Variants in EZH1 observed in about 807,000 individuals in gnomAD.
EZH1 encodes the protein enhancer of zeste 1 polycomb repressive complex 2 subunit.
A neutral mutation model predicts 100.5 loss-of-function variants in EZH1; 33 were observed. The ratio of observed to expected loss-of-function variants is 0.33; its 90% CI spans 0.25 to 0.44. EZH1 has a LOEUF of 0.44. Among genes scored for constraint, EZH1 ranks in the 20% least tolerant of loss-of-function variants. The pLI, the probability that EZH1 is intolerant of heterozygous loss-of-function variation, is 1.00. For missense variants in EZH1, 475 were observed against 928.4 expected, an observed-to-expected ratio of 0.51 and a Z score of 6.35; for synonymous variants, 272 against 313.8, an observed-to-expected ratio of 0.87 and a Z score of 1.41.
chr17:42,712,140 A>G, intron 12 of EZH1, 149 bp downstream of exon 12: 1 of 803,912 alleles, frequency 1.2e-6, no homozygotes, highest in East Asian at 2.6e-5. Flanking sequence ...CATGTTTGGG[A>G]AACTCACAGA....
chr17:42,704,305 G>A (rs770033641), intron 18 of EZH1, among the ~76,000 whole-genome samples: 5 of 152,274 alleles, frequency 3.3e-5, no homozygotes, highest in Non-Finnish European at 7.4e-5. Context: ...TTGGGAGGCC[G>A]AGGCGGGTGG....
chr17:42,708,628 C>G (rs1422663722), intron 14 of EZH1, among the ~76,000 whole-genome samples: 1 of 152,192 alleles, frequency 6.6e-6, no homozygotes, highest in Non-Finnish European at 1.5e-5. Flanking sequence ...GCACTCCAGC[C>G]TGGGTGACAG....
intron 10 of EZH1, among the ~76,000 whole-genome samples, chr17:42,714,855 T>G (rs1362310076): frequency 7.1e-6 from 1 of 140,988 alleles, no homozygotes; most frequent in Non-Finnish European, 1.5e-5. Flanking sequence ...TTTATATATA[T>G]TTACATATAA....
chr17:42,714,822 TATCA>T (rs1313695914), intron 10 of EZH1, among the ~76,000 whole-genome samples: 1 of 147,266 alleles, frequency 6.8e-6, no homozygotes, highest in Non-Finnish European at 1.5e-5. Context: ...AAGTATACAG[TATCA>T]ATTATACTAT....
chr17:42,717,593 A>G (rs1018545366), intron 10 of EZH1, among the ~76,000 whole-genome samples: 2 of 152,200 alleles, frequency 1.3e-5, no homozygotes, highest in African/African-American at 4.8e-5. Flanking sequence ...ACAAGACATC[A>G]GCATCATCAC....
chr17:42,716,509 A>G (rs1176234845), intron 10 of EZH1, among the ~76,000 whole-genome samples: 1 of 152,170 alleles, frequency 6.6e-6, no homozygotes, highest in Admixed American at 6.6e-5. Flanking sequence ...TAAAAGAAAA[A>G]TTGTGCATAC....
intron 1 of EZH1, among the ~76,000 whole-genome samples, chr17:42,743,027 G>A (rs1406060076): frequency 6.6e-6 from 1 of 151,652 alleles, no homozygotes; most frequent in South Asian, 2.1e-4. Flanking sequence ...CCACCACCAC[G>A]CCCAGCTAAT....
At chr17:42,708,757 A>C (rs1814099423) in intron 14 of EZH1, 119 bp downstream of exon 14, 4 of 1,070,822 alleles carry the variant, frequency 3.7e-6, no homozygotes, top group Admixed American at 1.7e-5. Context: ...GCTGCAGAGA[A>C]TTCTGCAATC....
intron 1 of EZH1, among the ~76,000 whole-genome samples, chr17:42,741,723 C>T (rs532048668): frequency 6.6e-6 from 1 of 152,116 alleles, no homozygotes; most frequent in East Asian, 1.9e-4. Context: ...GGGTCTTGCT[C>T]TGTTGCCCAG....
At chr17:42,720,731 C>T (rs1010980195) in intron 6 of EZH1, among the ~76,000 whole-genome samples, 6 of 152,122 alleles carry the variant, frequency 3.9e-5, no homozygotes, top group African/African-American at 1.4e-4. Context: ...GCGATCTTGG[C>T]TCACCGCAAC....
chr17:42,730,492 T>TG (rs1266316231), intron 2 of EZH1, among the ~76,000 whole-genome samples: 1 of 119,048 alleles, frequency 8.4e-6, no homozygotes, highest in East Asian at 2.3e-4. Context: ...GTATTCTTTT[T>TG]TTTTTTTTTT....
chr17:42,732,043 C>G (rs2053961020), intron 1 of EZH1: 1 of 151,038 alleles, frequency 6.6e-6, no homozygotes, highest in Non-Finnish European at 1.5e-5. Context: ...CACTTAAGCC[C>G]AGGAGATTGA....
At chr17:42,741,806 A>G (rs2054181788) in intron 1 of EZH1, among the ~76,000 whole-genome samples, 1 of 151,606 alleles carries the variant, frequency 6.6e-6, no homozygotes, top group Non-Finnish European at 1.5e-5. Context: ...CTCCCTACTC[A>G]GCCTCCTGAG....
At chr17:42,725,218 TA>T (rs1401801422) in intron 4 of EZH1, among the ~76,000 whole-genome samples, 1 of 151,710 alleles carries the variant, frequency 6.6e-6, no homozygotes, top group African/African-American at 2.4e-5. Context: ...CAGAGTTTTG[TA>T]ACATCATCTC....
intron 1 of EZH1, among the ~76,000 whole-genome samples, chr17:42,742,431 A>G (rs1471126540): frequency 6.6e-6 from 1 of 152,204 alleles, no homozygotes; most frequent in Non-Finnish European, 1.5e-5. Context: ...GGTGTAAGCC[A>G]TCAGCCCAGC....
At chr17:42,728,611 A>G (rs2053872342) in intron 3 of EZH1, among the ~76,000 whole-genome samples, 1 of 150,936 alleles carries the variant, frequency 6.6e-6, no homozygotes, top group Non-Finnish European at 1.5e-5. Context: ...GCGTGGTGGC[A>G]GGCGCCTGTA....
intron 10 of EZH1, among the ~76,000 whole-genome samples, chr17:42,715,262 ATATG>A (rs1050914210): frequency 2.9e-4 from 41 of 142,940 alleles, no homozygotes; most frequent in African/African-American, 1.0e-3. Context: ...ATAATAGATT[ATATG>A]TATTTATATA....
At chr17:42,705,231 G>C (rs926090037) in intron 16 of EZH1, 48 bp from the exon 17 acceptor site, 1 of 1,100,674 alleles carries the variant, frequency 9.1e-7, no homozygotes, top group Admixed American at 1.7e-5. Flanking sequence ...TGCATGAGTA[G>C]GGGGTGTGTG....
At position 42,720,458 on chromosome 17, in the gene EZH1, TGAG is replaced by T. The variant is rs756209236; in HGVS notation, c.488-12_488-10del. Reference sequence around the variant, plus strand: ...GGATCCAGGGATCATCTCTGAAACATGAGGATTCGAAAGATGAGCAGTGGTCAC... The same window carrying T: ...GGATCCAGGGATCATCTCTGAAACATGATTCGAAAGATGAGCAGTGGTCAC... On this transcript the variant is annotated splice_polypyrimidine_tract_variant and intron_variant, in intron 6 of 20. Transcript: ENST00000428826. The T allele has an allele frequency of 2.5e-6, 4 of 1,601,156 alleles. No individual in the cohort carries two copies. The African/African-American group carries it at 5.4e-5, about 22-fold the overall frequency.
Sources: allele counts gnomAD v4.1 joint callset (sites outside exome capture counted in the v4.1 genomes callset), GRCh38; gene constraint gnomAD v4.1.1; transcripts MANE v1.5; gene names NCBI Gene and HGNC (gene_info 2026-07-23, HGNC 2026-07-21).